CA11: variants seen among roughly 807,000 people sequenced by gnomAD.
The protein encoded by CA11 is carbonic anhydrase 11 (inactive).
Under a neutral mutation model 39.3 loss-of-function variants are expected in CA11, and 20 were observed. The observed-to-expected ratio is 0.51, with a 90% CI of 0.36 to 0.74. The LOEUF is 0.74. Ranked by LOEUF, CA11 falls within the 30% of genes least tolerant of loss-of-function variation. The pLI is 0.00. For synonymous variants in CA11, 166 were observed against 172.5 expected, an observed-to-expected ratio of 0.96 and a Z score of 0.29; for missense variants, 336 against 424.6, an observed-to-expected ratio of 0.79 and a Z score of 1.83.
chr19:48,643,182 T>G lies in CA11; in HGVS notation c.285+1245A>C, dbSNP rs879705570. Among the ~76,000 whole-genome samples, 2 of 151,666 alleles carry G rather than the reference T, an allele frequency of 1.3e-5. No homozygotes were observed. Among genetic ancestry groups the G allele is most frequent in the African/African-American group, 2.4e-5 (1 of 41,112 alleles). ...CTCTTTCTCTCTTTCTTTCTCGCTCTCTCTCTTTCTTTTCTCTCCCTCTCT... is the reference window on the plus strand; with the variant it reads ...CTCTTTCTCTCTTTCTTTCTCGCTCGCTCTCTTTCTTTTCTCTCCCTCTCT... On this transcript the variant is annotated intron_variant, in intron 3 of 8. Coordinates refer to ENST00000084798, the MANE Select transcript of CA11 (RefSeq NM_001217.5). This position sits in a 1 kb window ranked among gnomAD's most constrained non-coding sequence, Gnocchi z 4.3.
At position 48,638,138 on chromosome 19, in the gene CA11, C is replaced by G; in HGVS notation, c.968G>C (p.Gly323Ala). 1 of 1,340,004 alleles carries G rather than the reference C, an allele frequency of 7.5e-7. No individual in the cohort carries two copies. Among genetic ancestry groups the G allele is most frequent in the Non-Finnish European group, 9.7e-7 (1 of 1,030,030 alleles). The allele number at this position is 1,340,004 out of a possible 1,614,324, so 83.0% of individuals were successfully genotyped here. A position where few individuals can be genotyped will look rare whatever the true frequency, so the allele number is the denominator to read the frequency against. Reference sequence around the variant, plus strand: ...GGAGTCTCAGCGACCATGGGGGACACCATCCACTGTAAGACAGAGAACAAC... The same window carrying G: ...GGAGTCTCAGCGACCATGGGGGACAGCATCCACTGTAAGACAGAGAACAAC... ...RGPNYRLHVD[G>A]VPHGR Residue 323 changes from glycine (G) to alanine (A), a missense_variant, in exon 9 of 9, where the codon GGT (glycine) becomes GCT (alanine). Transcript: ENST00000084798.
chr19:48,644,946 C>T (rs561666046), intron 2 of CA11, among the ~76,000 whole-genome samples: 104 of 152,224 alleles, frequency 6.8e-4, no homozygotes, highest in Non-Finnish European at 1.1e-3. Context: ...CCCAGCAGGC[C>T]CCAGTGCTAC....
At chr19:48,645,264 G>T in intron 2 of CA11, 139 bp downstream of exon 2, 1 of 696,570 alleles carries the variant, frequency 1.4e-6, no homozygotes, top group Non-Finnish European at 2.4e-6. Flanking sequence ...TCAGAAGCTG[G>T]CCCGACTCCT....
rs1462927721 is a variant in CA11, at chr19:48,645,671, G to C, written c.-39C>G. The C allele has an allele frequency of 6.9e-7, 1 of 1,458,918 alleles. No homozygotes were observed. The highest frequency in any genetic ancestry group is 9.1e-7 in the Non-Finnish European group (1 of 1,095,710). 90.4% of individuals were successfully genotyped at this position (1,458,918 alleles called of 1,614,324 possible). ...CCGAGGGACCCCTGCCCAACGCCCT[G>C]CCCCCCTCTCTCAGCTCCTCTGTCC... On this transcript the variant is annotated 5_prime_UTR_variant, in exon 1 of 9. Coordinates refer to ENST00000084798, the MANE Select transcript of CA11 (RefSeq NM_001217.5).
rs373025769 is a variant in CA11, at chr19:48,640,139, C to G, written c.427G>C (p.Ala143Pro). 4.3e-6 allele frequency: 7 copies of G among 1,613,928 alleles called. No homozygotes were observed. The African/African-American group carries it at 6.7e-5, about 15-fold the overall frequency. The change falls in exon 4 of 9, where the codon GCC becomes CCC. Residue 143 changes from alanine to proline, a missense_variant. Physicochemically the swap from Ala to Pro is conservative, Grantham distance 27. Transcript: ENST00000084798. The stretch of plus-strand genomic sequence containing the variant: ...TGGTTGATCTGATGTTCCGAGCCGG[C>G]TCCGTCGCGAGCTCCAAACAGCAGC... The part of the protein sequence containing the change: ...LRLLFGARDG[A>P]GSEHQINHQG...
At chr19:48,640,408 C>G (rs1214961136) in intron 3 of CA11, 128 bp from the exon 4 acceptor site, 2 of 738,630 alleles carry the variant, frequency 2.7e-6, no homozygotes, top group East Asian at 3.0e-5. Flanking sequence ...GAGTCTCGCT[C>G]TTGTTGCCCA....
At chr19:48,640,308 G>A in intron 3 of CA11, 28 bp from the exon 4 acceptor site, 3 of 1,589,912 alleles carry the variant, frequency 1.9e-6, no homozygotes, top group Non-Finnish European at 1.7e-6. Context: ...GCTGTCAGGG[G>A]GCAGGGAGAG....
intron 6 of CA11, 27 bp downstream of exon 6, chr19:48,639,522 A>G (rs747900497): frequency 1.7e-5 from 28 of 1,613,880 alleles, no homozygotes; most frequent in South Asian, 3.3e-5. Context: ...GTGTGTGACC[A>G]CTGCCCCCAG....
chr19:48,640,140 T>A lies in CA11; in HGVS notation c.426A>T (p.Gly142=). 6.2e-7 allele frequency: 1 copy of A among 1,613,980 alleles called. No homozygotes were observed. The highest frequency in any genetic ancestry group is 8.5e-7 in the Non-Finnish European group (1 of 1,179,958). Residue 142 remains glycine, a synonymous_variant, in exon 4 of 9, where the codon GGA becomes GGT. Coordinates refer to ENST00000084798, the MANE Select transcript of CA11 (RefSeq NM_001217.5). ...ELRLLFGARD[G]AGSEHQINHQ... Reference sequence around the variant, plus strand: ...GGTTGATCTGATGTTCCGAGCCGGCTCCGTCGCGAGCTCCAAACAGCAGCC... The same window carrying A: ...GGTTGATCTGATGTTCCGAGCCGGCACCGTCGCGAGCTCCAAACAGCAGCC...
At chr19:48,640,991 T>G (rs1228783724) in intron 3 of CA11, among the ~76,000 whole-genome samples, 1 of 148,074 alleles carries the variant, frequency 6.8e-6, no homozygotes, top group Non-Finnish European at 1.5e-5. Flanking sequence ...TTTGTTTTTT[T>G]TTTTTTTAAA....
rs1029027514 is a variant in CA11, at chr19:48,645,688, C to T, written c.-56G>A. 3.5e-5 allele frequency: 47 copies of T among 1,354,880 alleles called. No individual in the cohort carries two copies. Among genetic ancestry groups the T allele is most frequent in the Middle Eastern group, 2.5e-4 (1 of 4,064 alleles). The allele number at this position is 1,354,880 out of a possible 1,614,324, so 83.9% of individuals were successfully genotyped here. On this transcript the variant is annotated 5_prime_UTR_variant, in exon 1 of 9. Transcript: ENST00000084798. ...AACGCCCTGCCCCCCTCTCTCAGCT[C>T]CTCTGTCCCCTCCTTCTGGGACCCT...
Position 48,644,424 on chromosome 19 carries a change from T to C in CA11, c.285+3A>G. On this transcript the variant is annotated splice_donor_region_variant and intron_variant, in intron 3 of 8. Transcript: ENST00000084798. ...CAATAGCTCCTCCCTCCAAGCCCCT[T>C]ACCTTCTCTCCTCCAGTGCTGAGCC... The C allele has an allele frequency of 6.3e-7, 1 of 1,585,522 alleles. No individual in the cohort carries two copies. The highest frequency in any genetic ancestry group is 1.1e-5 in the South Asian group (1 of 87,728).
In CA11 at chr19:48,638,182, AG is replaced by A. The variant is rs1210991049; in HGVS notation, c.962-39del. On this transcript the variant is annotated intron_variant, in intron 8 of 8. Coordinates refer to ENST00000084798, the MANE Select transcript of CA11 (RefSeq NM_001217.5). ...GAACAACGGCAGGGGGCGTCAGTAT[AG>A]GATGGAAGGGGCGGGGGGTGTGCAG... The A allele has an allele frequency of 2.8e-6, 3 of 1,061,692 alleles. No individual in the cohort carries two copies. In the African/African-American group the frequency reaches 5.7e-5, roughly 20 times the overall value. The allele number at this position is 1,061,692 out of a possible 1,614,324, so 65.8% of individuals were successfully genotyped here.
intron 8 of CA11, 115 bp from the exon 9 acceptor site, chr19:48,638,259 G>A (rs924036135): frequency 1.7e-6 from 2 of 1,191,310 alleles, no homozygotes; most frequent in Non-Finnish European, 2.1e-6. Flanking sequence ...TCTGCGAGCG[G>A]GGAACCAGAA....
intron 2 of CA11, among the ~76,000 whole-genome samples, chr19:48,645,010 C>CT (rs1002326164): frequency 4.9e-4 from 75 of 151,998 alleles, no homozygotes; most frequent in African/African-American, 1.1e-3. Context: ...AGTTGTAGTT[C>CT]TTTTTTTTAA....
rs1339593332 is a variant in CA11, at chr19:48,645,863, T to C, written c.-231A>G. 1.7e-5 allele frequency: 9 copies of C among 524,978 alleles called. No homozygotes were observed. The highest frequency in any genetic ancestry group is 3.0e-5 in the Non-Finnish European group (9 of 300,582). The allele number at this position is 524,978 out of a possible 1,614,324, so 32.5% of individuals were successfully genotyped here. A position where few individuals can be genotyped will look rare whatever the true frequency, so the allele number is the denominator to read the frequency against. ...GTGTCTTTCCTCTTTCCTCTGCTCT[T>C]TTCCCGGAACCCTCCAGTCTCCCTC... On this transcript the variant is annotated 5_prime_UTR_variant, in exon 1 of 9. Transcript: ENST00000084798.
chr19:48,640,415 C>A, intron 3 of CA11, 135 bp from the exon 4 acceptor site: 3 of 708,246 alleles, frequency 4.2e-6, no homozygotes, highest in Non-Finnish European at 6.5e-6. Flanking sequence ...GCTCTTGTTG[C>A]CCAGGCTGGA....
Position 48,638,978 on chromosome 19 carries a change from G to C in CA11, c.871C>G (p.Leu291Val), listed in dbSNP as rs780351848. The change falls in exon 8 of 9, where the codon CTG becomes GTG. Residue 291 changes from leucine (L) to valine (V), a missense_variant. Coordinates refer to ENST00000084798, the MANE Select transcript of CA11 (RefSeq NM_001217.5). ...FQSLSGNSRPLQPLAHRALRG... is the reference protein window; with the variant it reads ...FQSLSGNSRPVQPLAHRALRG... ...AGTGCCCTGTGGGCCAAGGGCTGCA[G>C]GGGCCGGCTGTTACCGCTGAGGCTC... The C allele has an allele frequency of 6.2e-7, 1 of 1,613,766 alleles. No homozygotes were observed. Among genetic ancestry groups the C allele is most frequent in the East Asian group, 2.2e-5 (1 of 44,878 alleles).
At chr19:48,639,690 G>A in intron 5 of CA11, 69 bp from the exon 6 acceptor site, 2 of 1,594,088 alleles carry the variant, frequency 1.3e-6, no homozygotes, top group South Asian at 2.2e-5. Flanking sequence ...TCCTCCCCCA[G>A]GACCCAGGAG....
Sources: gnomAD v4.1 joint callset for allele counts (sites outside exome capture counted in the v4.1 genomes callset) on GRCh38, gnomAD v4.1.1 for gene constraint, Gnocchi (gnomAD v3.1) non-coding constraint, MANE v1.5 for transcripts, NCBI Gene and HGNC (gene_info 2026-07-23, HGNC 2026-07-21) for gene names.